The following ESPL1 variants were observed in gnomAD, a reference collection of about 807,000 sequenced individuals.
The protein encoded by ESPL1 is extra spindle pole bodies like 1, separase.
In ESPL1, 50 loss-of-function variants were observed where a neutral mutation model predicts 217.2. The observed-to-expected ratio is 0.23, with a 90% CI of 0.18 to 0.29. The LOEUF (loss-of-function observed/expected upper bound fraction) is 0.29. ESPL1 is among the 10% of genes least tolerant of loss of function. ESPL1 has a pLI of 1.00. For missense variants in ESPL1, 1,834 were observed against 2,603.0 expected, an observed-to-expected ratio of 0.70 and a Z score of 6.43; for synonymous variants, 994 against 1,081.3, an observed-to-expected ratio of 0.92 and a Z score of 1.58.
At position 53,286,309 on chromosome 12, in the gene ESPL1, T is replaced by C; in HGVS notation, c.3573T>C (p.Cys1191=). ...TGCTGCAGGTCGTGCTGAAGGGCTG[T>C]CCTGAAGCCGCTGAGCGCCTCACCC... ...LDLLQVVLKG[C]PEAAERLTQA... The change falls in exon 18 of 31, where the codon TGT becomes TGC. Residue 1191 remains cysteine (C), a synonymous_variant. Coordinates refer to ENST00000257934, the MANE Select transcript of ESPL1 (RefSeq NM_012291.5). The surrounding 1 kb of genome is among the most constrained non-coding windows in gnomAD (Gnocchi z 5.3). The C allele has an allele frequency of 6.2e-7, 1 of 1,614,176 alleles. No homozygotes were observed. The highest frequency in any genetic ancestry group is 8.5e-7 in the Non-Finnish European group (1 of 1,180,036).
Position 53,288,540 on chromosome 12 carries a change from G to A in ESPL1, c.4549G>A (p.Gly1517Arg), listed in dbSNP as rs756170913. Residue 1517 changes from glycine (G) to arginine (R), a missense_variant and splice_region_variant, in exon 20 of 31, where the codon GGG becomes AGG. By Grantham distance (125) the Gly-to-Arg change is moderately radical (BLOSUM62 -2). Around this residue, in one of 5 missense-constraint regions of ESPL1, gnomAD observed 681 missense variants for 808.0 expected, o/e 0.84. Transcript: ENST00000257934. ...GSDGEDSASG[G>R]KTPAPGPEAA... ...AAAAAGGCCTGCTCTCTCCCCAGGT[G>A]GGAAGACTCCAGCTCCGGGCCCTGA... 1.9e-6 allele frequency: 3 copies of A among 1,609,534 alleles called. No homozygotes were observed. Among genetic ancestry groups the A allele is most frequent in the Non-Finnish European group, 2.5e-6 (3 of 1,178,442 alleles).
At chr12:53,280,701 G>C (rs1201518569) in intron 12 of ESPL1, among the ~76,000 whole-genome samples, 1 of 152,038 alleles carries the variant, frequency 6.6e-6, no homozygotes, top group Non-Finnish European at 1.5e-5. Flanking sequence ...TAATCTAAAA[G>C]TGGTTAACCA....
chr12:53,293,471 G>A lies in ESPL1; in HGVS notation c.6360G>A (p.Arg2120=). 2 of 1,612,510 alleles carry A rather than the reference G, an allele frequency of 1.2e-6. No individual in the cohort carries two copies. The highest frequency in any genetic ancestry group is 1.7e-6 in the Non-Finnish European group (2 of 1,178,590). ...CCTATGGCTTGCCTGTCTCTCTGCGGTAACCCCATGGAGCTGTCTTATTGA... is the reference window on the plus strand; with the variant it reads ...CCTATGGCTTGCCTGTCTCTCTGCGATAACCCCATGGAGCTGTCTTATTGA... The part of the protein sequence containing the change: ...PIAYGLPVSL[R] The change falls in exon 31 of 31, where the codon CGG becomes CGA. Residue 2120 remains arginine, a synonymous_variant. Transcript: ENST00000257934. The surrounding 1 kb of genome is among the most constrained non-coding windows in gnomAD (Gnocchi z 4.2).
At chr12:53,285,811 T>C (rs957822436) in intron 17 of ESPL1, 113 bp from the exon 18 acceptor site, 12 of 711,760 alleles carry the variant, frequency 1.7e-5, no homozygotes, top group South Asian at 8.0e-5. Flanking sequence ...CACATATATA[T>C]ACACGTACGT....
At chr12:53,291,516 G>A (rs189486425) in intron 25 of ESPL1, among the ~76,000 whole-genome samples, 174 bp from the exon 26 acceptor site, 2,823 of 152,130 alleles carry the variant, frequency 0.019, 93 homozygotes, top group African/African-American at 0.064. Context: ...GCTTGAACCT[G>A]GGAGGTGGAG....
chr12:53,291,172 G>A (rs1253962392), intron 25 of ESPL1, among the ~76,000 whole-genome samples, 176 bp downstream of exon 25: 1 of 151,634 alleles, frequency 6.6e-6, no homozygotes. Flanking sequence ...CATGGTGGCA[G>A]GCACCTGTAA....
rs772811004 is a variant in ESPL1, at chr12:53,269,876, G to C, written c.934G>C (p.Ala312Pro). ...QVGEEGPQAV[A>P]KLLIKASAVL... ...TGGGGAGGAAGGACCTCAGGCAGTG[G>C]CCAAGCTTCTGATCAAGGCATCAGC... Residue 312 changes from alanine to proline, a missense_variant, in exon 3 of 31, where the codon GCC becomes CCC. This residue lies in a region of ESPL1 where 746 missense variants were observed against 1,077.0 expected (regional missense o/e 0.69). Transcript: ENST00000257934. The surrounding 1 kb of genome is among the most constrained non-coding windows in gnomAD (Gnocchi z 6.7). 5.0e-5 allele frequency: 81 copies of C among 1,614,094 alleles called. No individual in the cohort carries two copies. Among genetic ancestry groups the C allele is most frequent in the Non-Finnish European group, 6.8e-5 (80 of 1,180,048 alleles).
At position 53,279,812 on chromosome 12, in the gene ESPL1, C is replaced by G. The variant is rs1024167023; in HGVS notation, c.2445C>G (p.Ser815=). ...AGGACCACTCGAAGGCAGCTGGCTC[C>G]TCCTGCCACATCACCCAGCTCCTCC... The part of the protein sequence containing the change: ...RLKDHSKAAG[S]SCHITQLLLT... The change falls in exon 12 of 31, where the codon TCC becomes TCG. Residue 815 remains serine, a synonymous_variant. Transcript: ENST00000257934. 1.9e-6 allele frequency: 3 copies of G among 1,612,758 alleles called. No homozygotes were observed. The South Asian group carries it at 3.3e-5, about 18-fold the overall frequency.
At chr12:53,288,395 G>A in intron 19 of ESPL1, 54 bp downstream of exon 19, 1 of 1,543,156 alleles carries the variant, frequency 6.5e-7, no homozygotes, top group African/African-American at 1.4e-5. Context: ...TTGTTCTGGG[G>A]CAAAGCACAA....
intron 12 of ESPL1, among the ~76,000 whole-genome samples, chr12:53,280,655 A>G (rs1364098033): frequency 6.6e-6 from 1 of 152,088 alleles, no homozygotes; most frequent in Non-Finnish European, 1.5e-5. Flanking sequence ...GGCATGAGCC[A>G]CCGTGCCCAG....
At position 53,292,743 on chromosome 12, in the gene ESPL1, G is replaced by A. The variant is rs886791761; in HGVS notation, c.5997-63G>A. 4 of 1,604,714 alleles carry A rather than the reference G, an allele frequency of 2.5e-6. No individual in the cohort carries two copies. The highest frequency in any genetic ancestry group is 3.4e-6 in the Non-Finnish European group (4 of 1,175,652). On this transcript the variant is annotated intron_variant, in intron 29 of 30. Transcript: ENST00000257934. This position sits in a 1 kb window ranked among gnomAD's most constrained non-coding sequence, Gnocchi z 4.5. ...GTTGCTTTGGGACTTGAGAGCCTCT[G>A]AAGACACAGGCAGAGGCCAGGTATT...
Position 53,286,119 on chromosome 12 carries a change from T to G in ESPL1, c.3383T>G (p.Val1128Gly), listed in dbSNP as rs1361178591. The change falls in exon 18 of 31, where the codon GTC (valine) becomes GGC (glycine). Residue 1128 changes from valine (V) to glycine (G), a missense_variant. Around this residue, in one of 5 missense-constraint regions of ESPL1, gnomAD observed 681 missense variants for 808.0 expected, o/e 0.84. Coordinates refer to ENST00000257934, the MANE Select transcript of ESPL1 (RefSeq NM_012291.5). This position sits in a 1 kb window ranked among gnomAD's most constrained non-coding sequence, Gnocchi z 5.3. ...PIAPSTNSSP[V>G]LKTKPQPIPN... is the part of the protein sequence containing the mutation. ...GCACCTTCTACAAACTCCTCCCCAG[T>G]CTTGAAAACCAAGCCCCAGCCCATA... is the stretch of plus-strand genomic sequence containing the variant. The G allele has an allele frequency of 1.2e-6, 2 of 1,613,726 alleles. No individual in the cohort carries two copies. The highest frequency in any genetic ancestry group is 8.5e-7 in the Non-Finnish European group (1 of 1,179,758).
In ESPL1 at chr12:53,269,345, G is replaced by A; in HGVS notation, c.403G>A (p.Ala135Thr). The stretch of plus-strand genomic sequence containing the variant: ...CTGCTTGGTGCAGTGCTCTCGCGAG[G>A]CTGCTCCCCAGGACTATGAGGCCGT... ...HACLVQCSREAAPQDYEAVAR... is the reference protein window; with the variant it reads ...HACLVQCSRETAPQDYEAVAR... The change falls in exon 3 of 31, where the codon GCT becomes ACT. Residue 135 changes from alanine (A) to threonine (T), a missense_variant. Around this residue, in one of 5 missense-constraint regions of ESPL1, gnomAD observed 746 missense variants for 1,077.0 expected, o/e 0.69. Coordinates refer to ENST00000257934, the MANE Select transcript of ESPL1 (RefSeq NM_012291.5). This position sits in a 1 kb window ranked among gnomAD's most constrained non-coding sequence, Gnocchi z 6.7. 1 of 1,614,050 alleles carries A rather than the reference G, an allele frequency of 6.2e-7. No individual in the cohort carries two copies. The highest frequency in any genetic ancestry group is 1.3e-5 in the African/African-American group (1 of 75,060).
At chr12:53,270,245 G>T in intron 3 of ESPL1, 133 bp from the exon 4 acceptor site, 1 of 928,330 alleles carries the variant, frequency 1.1e-6, no homozygotes, top group East Asian at 2.4e-5. Flanking sequence ...ATCCTGAGAG[G>T]GCAGTGGCCC....
Position 53,286,835 on chromosome 12 carries a change from G to A in ESPL1, c.4099G>A (p.Glu1367Lys). The change falls in exon 18 of 31, where the codon GAA (glutamate) becomes AAA (lysine). Residue 1367 changes from glutamate to lysine, a missense_variant. Physicochemically the swap from Glu to Lys is moderately conservative, Grantham distance 56. Coordinates refer to ENST00000257934, the MANE Select transcript of ESPL1 (RefSeq NM_012291.5). This position sits in a 1 kb window ranked among gnomAD's most constrained non-coding sequence, Gnocchi z 5.3. The stretch of plus-strand genomic sequence containing the variant: ...TCATGTCCCCTTCACGGTGTTTGAG[G>A]AAGTCTGCCCTACAGAGAGCAAGCC... ...GPHVPFTVFE[E>K]VCPTESKPEV... is the part of the protein sequence containing the mutation. 6.2e-7 allele frequency: 1 copy of A among 1,614,084 alleles called. No individual in the cohort carries two copies. The highest frequency in any genetic ancestry group is 1.1e-5 in the South Asian group (1 of 91,084).
rs1213751724 is a variant in ESPL1, at chr12:53,287,962, CT to C, written c.4177-9del. On this transcript the variant is annotated splice_polypyrimidine_tract_variant and intron_variant, in intron 18 of 30. Transcript: ENST00000257934. ...CCTCTTAGCCCTTCACCCTTTCACT[CT>C]GATCTCAGGTGAACTTCAGTGATGA... The C allele has an allele frequency of 2.5e-6, 4 of 1,581,426 alleles. No homozygotes were observed. The highest frequency in any genetic ancestry group is 3.4e-6 in the Non-Finnish European group (4 of 1,163,852).
Position 53,272,859 on chromosome 12 carries a change from T to TA in ESPL1, c.1506+3dup, listed in dbSNP as rs1943698501. On this transcript the variant is annotated splice_region_variant and intron_variant, in intron 6 of 30. Transcript: ENST00000257934. ...TATCCCGAGGTGCCTCCTGAGAAGG[T>TA]ACAAGGGAATGAGAGATGCAGGAAA... 2.5e-6 allele frequency: 4 copies of TA among 1,613,230 alleles called. No individual in the cohort carries two copies. The highest frequency in any genetic ancestry group is 3.4e-6 in the Non-Finnish European group (4 of 1,179,856).
chr12:53,286,978 T>G lies in ESPL1; in HGVS notation c.4176+66T>G. On this transcript the variant is annotated intron_variant, in intron 18 of 30. Coordinates refer to ENST00000257934, the MANE Select transcript of ESPL1 (RefSeq NM_012291.5). The surrounding 1 kb of genome is among the most constrained non-coding windows in gnomAD (Gnocchi z 5.3). ...ATGGGGTTAGTCCTGGAGGAGAGTGTTTTATAGAGCAGGTGTCCCTGTGGA... is the reference window on the plus strand; with the variant it reads ...ATGGGGTTAGTCCTGGAGGAGAGTGGTTTATAGAGCAGGTGTCCCTGTGGA... The G allele has an allele frequency of 6.7e-7, 1 of 1,482,044 alleles. No homozygotes were observed. Among genetic ancestry groups the G allele is most frequent in the Non-Finnish European group, 9.1e-7 (1 of 1,103,198 alleles). The allele number at this position is 1,482,044 out of a possible 1,614,324, so 91.8% of individuals were successfully genotyped here.
chr12:53,272,571 G>T, intron 5 of ESPL1, 150 bp from the exon 6 acceptor site: 1 of 843,922 alleles, frequency 1.2e-6, no homozygotes, highest in African/African-American at 1.7e-5. Flanking sequence ...GGGGAGAGCC[G>T]CCCCTTCCCC....
Sources: gnomAD v4.1 joint callset for allele counts (sites outside exome capture counted in the v4.1 genomes callset) on GRCh38, gnomAD v4.1.1 for gene constraint, gnomAD v4.1.1 regional missense constraint, Gnocchi (gnomAD v3.1) non-coding constraint, MANE v1.5 for transcripts, NCBI Gene and HGNC (gene_info 2026-07-23, HGNC 2026-07-21) for gene names.